Variants in PIAS3 observed in about 807,000 individuals in gnomAD.
The protein encoded by PIAS3 is E3 SUMO-protein ligase PIAS3.
PIAS3 carries 34 observed loss-of-function variants against 67.6 expected under a neutral mutation model. The observed-to-expected ratio is 0.50, with a 90% confidence interval of 0.38 to 0.67. The LOEUF (loss-of-function observed/expected upper bound fraction) is 0.67. Ranked by LOEUF, PIAS3 falls within the 30% of genes least tolerant of loss-of-function variation. PIAS3 has a pLI of 0.00. For missense variants in PIAS3, 693 were observed against 791.6 expected, an observed-to-expected ratio of 0.88 and a Z score of 1.49; for synonymous variants, 341 against 313.8, an observed-to-expected ratio of 1.09 and a Z score of -0.92.
At position 145,849,658 on chromosome 1, in the gene PIAS3, A is replaced by G. The variant is rs782356360; in HGVS notation, c.1675T>C (p.Phe559Leu). 6.2e-7 allele frequency: 1 copy of G among 1,612,994 alleles called. No homozygotes were observed. The part of the protein sequence containing the change: ...SLDEQDALGH[F>L]FQYRGTPSHF... ...GAAGGGGTCCCTCGGTACTGGAAGA[A>G]GTGGCCAAGGGCATCCTGTTCATCT... is the stretch of plus-strand genomic sequence containing the variant. Residue 559 changes from phenylalanine to leucine, a missense_variant, in exon 14 of 14, where the codon TTC becomes CTC. Phe to Leu is a conservative substitution (Grantham distance 22). Around this residue, in one of 3 missense-constraint regions of PIAS3, gnomAD observed 270 missense variants for 261.0 expected, o/e 1.03. Coordinates refer to ENST00000393045, the MANE Select transcript of PIAS3 (RefSeq NM_006099.3).
chr1:145,856,651 A>C lies in PIAS3; in HGVS notation c.380T>G (p.Val127Gly). 3 of 1,589,036 alleles carry C rather than the reference A, an allele frequency of 1.9e-6. No individual in the cohort carries two copies. The highest frequency in any genetic ancestry group is 2.6e-6 in the Non-Finnish European group (3 of 1,166,360). The change falls in exon 2 of 14, where the codon GTC becomes GGC. Residue 127 changes from valine (V) to glycine (G), a missense_variant. Physicochemically the swap from Val to Gly is moderately radical, Grantham distance 109. Transcript: ENST00000393045. Reference sequence around the variant, plus strand: ...ATAGAAGGGCAATGGTTTCATGGTGACATCAGGGTGCACAGGCTGGGGCAG... The same window carrying C: ...ATAGAAGGGCAATGGTTTCATGGTGCCATCAGGGTGCACAGGCTGGGGCAG... Reference protein sequence around the residue: ...PPLPQPVHPDVTMKPLPFYEV... With the variant: ...PPLPQPVHPDGTMKPLPFYEV...
chr1:145,855,156 T>TCC (rs1553735294), intron 5 of PIAS3, among the ~76,000 whole-genome samples: 1 of 152,170 alleles, frequency 6.6e-6, no homozygotes, highest in Non-Finnish European at 1.5e-5. Flanking sequence ...GGAATAAGGA[T>TCC]GCCTCACCTT....
rs1652834934 is a variant in PIAS3 at position 145,848,753 on chromosome 1, A to G, written c.*693T>C. On this transcript the variant is annotated 3_prime_UTR_variant, in exon 14 of 14. Transcript: ENST00000393045. ...TAAGAAACACTGTGAACTTAGATAT[A>G]TAAATAGAGAGAGACCCAAGCAATA... 8.3e-6 allele frequency: 3 copies of G among 362,150 alleles called. No homozygotes were observed. The highest frequency in any genetic ancestry group is 1.0e-4 in the East Asian group (2 of 19,596). The allele number at this position is 362,150 out of a possible 1,614,324, so 22.4% of individuals were successfully genotyped here.
At chr1:145,853,959 A>T in intron 7 of PIAS3, 73 bp from the exon 8 acceptor site, 1 of 1,332,858 alleles carries the variant, frequency 7.5e-7, no homozygotes, top group Non-Finnish European at 1.1e-6. Flanking sequence ...TAAGGCCAGG[A>T]ACAGATGGCT....
chr1:145,849,969 C>G, intron 13 of PIAS3: 1 of 1,425,940 alleles, frequency 7.0e-7, no homozygotes, highest in South Asian at 1.6e-5. Flanking sequence ...CCGGTTAGAG[C>G]AGGCATGGTG....
chr1:145,852,387 C>G (rs979983895), intron 9 of PIAS3, among the ~76,000 whole-genome samples: 2 of 152,162 alleles, frequency 1.3e-5, no homozygotes, highest in East Asian at 3.9e-4. Context: ...AACCTTATTG[C>G]AATGCTCAGT....
intron 11 of PIAS3, 38 bp downstream of exon 11, chr1:145,850,731 CCT>C (rs1347334313): frequency 1.2e-6 from 2 of 1,609,912 alleles, no homozygotes; most frequent in African/African-American, 2.7e-5. Context: ...GACTTCTTCC[CCT>C]GTCCGTTTTG....
In PIAS3 at chr1:145,850,279, A is replaced by G; in HGVS notation, c.1583-10T>C. The G allele has an allele frequency of 6.2e-7, 1 of 1,614,230 alleles. No individual in the cohort carries two copies. Among genetic ancestry groups the G allele is most frequent in the Non-Finnish European group, 8.5e-7 (1 of 1,180,028 alleles). On this transcript the variant is annotated splice_polypyrimidine_tract_variant and intron_variant, in intron 12 of 13. Coordinates refer to ENST00000393045, the MANE Select transcript of PIAS3 (RefSeq NM_006099.3). Reference sequence around the variant, plus strand: ...GAAAATAAATCTAAACCTGGCAGGAAAAGAAAAATCAAAATTAACCTCCTA... The same window carrying G: ...GAAAATAAATCTAAACCTGGCAGGAGAAGAAAAATCAAAATTAACCTCCTA...
rs1553735762 is a variant in PIAS3, at chr1:145,856,922, G to C, written c.109C>G (p.Leu37Val). The C allele has an allele frequency of 6.2e-7, 1 of 1,614,132 alleles. No homozygotes were observed. Among genetic ancestry groups the C allele is most frequent in the Middle Eastern group, 1.6e-4 (1 of 6,062 alleles). ...AGGAGGTGCAGAGCCTTGGCCAGGA[G>C]CTCGTGCTTCCGTCCACTCTTGTTC... is the stretch of plus-strand genomic sequence containing the variant. ...GRNKSGRKHELLAKALHLLKS... is the reference protein window; with the variant it reads ...GRNKSGRKHEVLAKALHLLKS... The change falls in exon 2 of 14, where the codon CTC becomes GTC. Residue 37 changes from leucine to valine, a missense_variant. Transcript: ENST00000393045.
rs782486469 is a variant in PIAS3, at chr1:145,854,831, C to T, written c.719G>A (p.Arg240His). 9.3e-6 allele frequency: 15 copies of T among 1,614,026 alleles called. No homozygotes were observed. Among genetic ancestry groups the T allele is most frequent in the Middle Eastern group, 1.6e-4 (1 of 6,084 alleles). The change falls in exon 6 of 14, where the codon CGC becomes CAC. Residue 240 changes from arginine to histidine, a missense_variant. Transcript: ENST00000393045. ...KNGAEPKRPS[R>H]PINITPLARL... ...AGCCAGGGGTGTGATGTTGATGGGG[C>T]GGCTGGGCCTCTTGGGCTCGGCCCC... is the stretch of plus-strand genomic sequence containing the variant.
In PIAS3 at chr1:145,848,615, C is replaced by A; in HGVS notation, c.*831G>T. On this transcript the variant is annotated 3_prime_UTR_variant, in exon 14 of 14. Transcript: ENST00000393045. ...ACATAGGTCCTAGGCCTTGGCGAGC[C>A]TGAAAAAGAAGATTGGGAAGGAGGG... 3.0e-6 allele frequency: 2 copies of A among 677,100 alleles called. No individual in the cohort carries two copies. Among genetic ancestry groups the A allele is most frequent in the Non-Finnish European group, 2.5e-6 (1 of 400,760 alleles). 41.9% of individuals were successfully genotyped at this position (677,100 alleles called of 1,614,324 possible).
At chr1:145,855,060 GT>G (rs1653112249) in intron 5 of PIAS3, among the ~76,000 whole-genome samples, 180 bp from the exon 6 acceptor site, 1 of 152,202 alleles carries the variant, frequency 6.6e-6, no homozygotes, top group Admixed American at 6.5e-5. Flanking sequence ...ACTGTCTAGG[GT>G]TATGTGTGGG....
At chr1:145,853,474 C>T (rs782340214) in intron 9 of PIAS3, 30 bp downstream of exon 9, 2 of 1,529,000 alleles carry the variant, frequency 1.3e-6, no homozygotes, top group Non-Finnish European at 1.8e-6. Context: ...TAGTGGATGT[C>T]CTAGGTAAGA....
At chr1:145,856,046 T>C (rs986026884) in intron 4 of PIAS3, 22 bp downstream of exon 4, 4 of 1,606,916 alleles carry the variant, frequency 2.5e-6, no homozygotes, top group Admixed American at 1.7e-5. Flanking sequence ...GTACCCAGGA[T>C]AGGCAGGGAG....
chr1:145,858,970 T>C lies in PIAS3; in HGVS notation c.21A>G (p.Leu7=). The C allele has an allele frequency of 6.5e-7, 1 of 1,538,622 alleles. No individual in the cohort carries two copies. Among genetic ancestry groups the C allele is most frequent in the Admixed American group, 2.1e-5 (1 of 48,408 alleles). The change falls in exon 1 of 14, where the codon TTA becomes TTG. Residue 7 remains leucine (L), a synonymous_variant. Transcript: ENST00000393045. The stretch of plus-strand genomic sequence containing the variant: ...GATGGGGGGAGGGGGCCGGTACCTT[T>C]AATTCGCCCAGCTCCGCCATCTTGA... The part of the protein sequence containing the change: MAELGE[L]KHMVMSFRVS...
At position 145,856,793 on chromosome 1, in the gene PIAS3, A is replaced by G. The variant is rs782277057; in HGVS notation, c.238T>C (p.Leu80=). ...CCTACAGGAGAGGTGCCAGGGGGCAAAGAGAGAAGGGAGAGATCAGAGGGC... is the reference window on the plus strand; with the variant it reads ...CCTACAGGAGAGGTGCCAGGGGGCAGAGAGAGAAGGGAGAGATCAGAGGGC... The part of the protein sequence containing the change: ...LGPSDLSLLS[L]PPGTSPVGSP... Residue 80 remains leucine (L), a synonymous_variant, in exon 2 of 14, where the codon TTG becomes CTG. Transcript: ENST00000393045. The G allele has an allele frequency of 1.2e-6, 2 of 1,614,134 alleles. No individual in the cohort carries two copies. The highest frequency in any genetic ancestry group is 1.7e-6 in the Non-Finnish European group (2 of 1,180,006).
At position 145,849,355 on chromosome 1, in the gene PIAS3, C is replaced by G. The variant is rs1652859473; in HGVS notation, c.*91G>C. 4 of 1,329,714 alleles carry G rather than the reference C, an allele frequency of 3.0e-6. No homozygotes were observed. Among genetic ancestry groups the G allele is most frequent in the South Asian group, 1.9e-5 (1 of 51,716 alleles). 82.4% of individuals were successfully genotyped at this position (1,329,714 alleles called of 1,614,324 possible). Reference sequence around the variant, plus strand: ...AGGTCTGTCTGGCCCTTGGCCAGAGCCCCCAGAGGGATCAGAGTAGCTGGG... The same window carrying G: ...AGGTCTGTCTGGCCCTTGGCCAGAGGCCCCAGAGGGATCAGAGTAGCTGGG... On this transcript the variant is annotated 3_prime_UTR_variant, in exon 14 of 14. Coordinates refer to ENST00000393045, the MANE Select transcript of PIAS3 (RefSeq NM_006099.3).
intron 1 of PIAS3, 33 bp downstream of exon 1, chr1:145,858,934 G>C: frequency 6.7e-7 from 1 of 1,503,410 alleles, no homozygotes; most frequent in Non-Finnish European, 8.9e-7. Flanking sequence ...GCCGGGCTGA[G>C]TCCAGATGGG....
In PIAS3 at chr1:145,850,509, G is replaced by A. The variant is rs782063915; in HGVS notation, c.1526C>T (p.Ser509Phe). Residue 509 changes from serine (S) to phenylalanine (F), a missense_variant, in exon 12 of 14, where the codon TCC becomes TTC. Around this residue, in one of 3 missense-constraint regions of PIAS3, gnomAD observed 270 missense variants for 261.0 expected, o/e 1.03. Coordinates refer to ENST00000393045, the MANE Select transcript of PIAS3 (RefSeq NM_006099.3). The stretch of plus-strand genomic sequence containing the variant: ...TGGGTACTCATGTAGTGGGAGACTG[G>A]ACAGGAAATCCCCACCCAACGTGCC... The part of the protein sequence containing the change: ...AMGTLGGDFL[S>F]SLPLHEYPPA... 6.2e-6 allele frequency: 10 copies of A among 1,614,092 alleles called. No individual in the cohort carries two copies. The African/African-American group carries it at 1.1e-4, about 17-fold the overall frequency.
Sources: allele counts gnomAD v4.1 joint callset (sites outside exome capture counted in the v4.1 genomes callset), GRCh38; gene constraint gnomAD v4.1.1; regional missense constraint gnomAD v4.1.1; transcripts MANE v1.5; gene names NCBI Gene and HGNC (gene_info 2026-07-23, HGNC 2026-07-21).